Variants in ETFDH observed in about 807,000 individuals in gnomAD.
The protein encoded by ETFDH is electron transfer flavoprotein-ubiquinone oxidoreductase, mitochondrial.
ETFDH carries 61 observed loss-of-function variants against 73.2 expected under a neutral mutation model. That is an observed-to-expected ratio of 0.83 (90% CI 0.68 to 1.03). The LOEUF (loss-of-function observed/expected upper bound fraction) is 1.03. Ranked by LOEUF, ETFDH falls within the 50% of genes least tolerant of loss-of-function variation. ETFDH has a pLI of 0.00. For synonymous variants in ETFDH, 243 were observed against 253.3 expected, an observed-to-expected ratio of 0.96 and a Z score of 0.39; for missense variants, 685 against 745.0, an observed-to-expected ratio of 0.92 and a Z score of 0.94.
chr4:158,689,473 T>C (rs1445846205), intron 5 of ETFDH, among the ~76,000 whole-genome samples: 1 of 151,350 alleles, frequency 6.6e-6, no homozygotes, highest in African/African-American at 2.4e-5. Context: ...ATGATTACCA[T>C]CAACAGATTA....
intron 5 of ETFDH, among the ~76,000 whole-genome samples, chr4:158,685,602 AT>A (rs907343089): frequency 4.0e-5 from 6 of 151,868 alleles, no homozygotes; most frequent in African/African-American, 1.2e-4. Flanking sequence ...TTACTCTGGA[AT>A]TTTTTTTTAT....
rs780991936 is a variant in ETFDH at position 158,697,596 on chromosome 4, G to A, written c.869G>A (p.Arg290Lys). 5 of 1,613,058 alleles carry A rather than the reference G, an allele frequency of 3.1e-6. No individual in the cohort carries two copies. In the Admixed American group the frequency reaches 6.7e-5, roughly 22 times the overall value. ...VIDEKNWKPGRVDHTVGWPLD... is the reference protein window; with the variant it reads ...VIDEKNWKPGKVDHTVGWPLD... ...GATGAAAAGAACTGGAAACCTGGGA[G>A]AGTAGATCACACTGTTGGTTGGCCC... The change falls in exon 8 of 13, where the codon AGA (arginine) becomes AAA (lysine). Residue 290 changes from arginine to lysine, a missense_variant. Arg to Lys is a conservative substitution (Grantham distance 26). This residue lies in a region of ETFDH where 405 missense variants were observed against 399.3 expected (regional missense o/e 1.01). Transcript: ENST00000511912.
intron 12 of ETFDH, among the ~76,000 whole-genome samples, chr4:158,708,044 T>G (rs1021230346): frequency 1.3e-5 from 2 of 152,228 alleles, no homozygotes; most frequent in African/African-American, 4.8e-5. Context: ...CTGGGGATCT[T>G]GGAACTTGTC....
intron 8 of ETFDH, among the ~76,000 whole-genome samples, chr4:158,698,722 C>T (rs1774377231): frequency 6.6e-6 from 1 of 151,972 alleles, no homozygotes; most frequent in South Asian, 2.1e-4. Flanking sequence ...CTTTGAGTTC[C>T]AGAGCACAAG....
At position 158,690,479 on chromosome 4, in the gene ETFDH, C is replaced by G; in HGVS notation, c.684+54C>G. 3 of 1,048,680 alleles carry G rather than the reference C, an allele frequency of 2.9e-6. No homozygotes were observed. The Admixed American group carries it at 5.1e-5, about 18-fold the overall frequency. 65.0% of individuals were successfully genotyped at this position (1,048,680 alleles called of 1,614,324 possible). A position where few individuals can be genotyped will look rare whatever the true frequency, so the allele number is the denominator to read the frequency against. ...ATAAAGCGACAAACAACAGAAAGAA[C>G]TGTGTGGGCATCAAAGTGAAACCCC... On this transcript the variant is annotated intron_variant, in intron 6 of 12. Coordinates refer to ENST00000511912, the MANE Select transcript of ETFDH (RefSeq NM_004453.4).
chr4:158,708,723 G>T lies in ETFDH; in HGVS notation c.*196G>T. ...TATTGCTTTTAAATAACCTTTATAA[G>T]AATGCAGCATCTTCCTACCTCTTCA... On this transcript the variant is annotated 3_prime_UTR_variant, in exon 13 of 13. Coordinates refer to ENST00000511912, the MANE Select transcript of ETFDH (RefSeq NM_004453.4). The T allele has an allele frequency of 1.8e-6, 1 of 555,668 alleles. No homozygotes were observed. Among genetic ancestry groups the T allele is most frequent in the South Asian group, 2.1e-5 (1 of 47,008 alleles). 34.4% of individuals were successfully genotyped at this position (555,668 alleles called of 1,614,324 possible).
chr4:158,676,630 T>C (rs184662622), intron 1 of ETFDH, among the ~76,000 whole-genome samples: 87 of 152,344 alleles, frequency 5.7e-4, no homozygotes, highest in African/African-American at 2.0e-3. Context: ...CAAGGACTAC[T>C]TGGAGGTTAG....
rs183448120 is a variant in ETFDH, at chr4:158,691,038, A to T, written c.684+613A>T. Among the ~76,000 whole-genome samples the T allele has an allele frequency of 1.4e-4, 21 of 152,332 alleles. 1 individual carries two copies. The highest frequency in any genetic ancestry group is 2.2e-4 in the African/African-American group (9 of 41,578). On this transcript the variant is annotated intron_variant, in intron 6 of 12. Coordinates refer to ENST00000511912, the MANE Select transcript of ETFDH (RefSeq NM_004453.4). ...GCAAGTAGTTATAATATGTTTAAAA[A>T]TTTTTTAAAAGATAATAACATACAA...
chr4:158,695,551 G>A lies in ETFDH; in HGVS notation c.739G>A (p.Gly247Ser). 4 of 1,612,764 alleles carry A rather than the reference G, an allele frequency of 2.5e-6. No homozygotes were observed. Among genetic ancestry groups the A allele is most frequent in the Non-Finnish European group, 3.4e-6 (4 of 1,178,964 alleles). ...LHAKVTIFAE[G>S]CHGHLAKQLY... is the part of the protein sequence containing the mutation. The stretch of plus-strand genomic sequence containing the variant: ...TGCTAAAGTCACAATTTTTGCAGAA[G>A]GTTGCCATGGACATCTAGCCAAGCA... The change falls in exon 7 of 13, where the codon GGT (glycine) becomes AGT (serine). Residue 247 changes from glycine (G) to serine (S), a missense_variant. Coordinates refer to ENST00000511912, the MANE Select transcript of ETFDH (RefSeq NM_004453.4).
intron 1 of ETFDH, among the ~76,000 whole-genome samples, chr4:158,673,965 G>A (rs78439212): frequency 0.011 from 1,659 of 152,246 alleles, 20 homozygotes; most frequent in African/African-American, 0.035. Context: ...GATATCAGAT[G>A]TGTTTTCAGA....
chr4:158,706,532 T>C, intron 11 of ETFDH, 97 bp from the exon 12 acceptor site: 3 of 1,145,682 alleles, frequency 2.6e-6, no homozygotes, highest in Non-Finnish European at 4.0e-6. Flanking sequence ...CATATTTCTT[T>C]GGTGTGATAA....
At position 158,706,214 on chromosome 4, in the gene ETFDH, C is replaced by T; in HGVS notation, c.1311C>T (p.Asp437=). ...TIGLHVTEYE[D]NLKNSWVWKE... ...GACTCCATGTAACTGAATATGAGGACAATTTGAAGAACTCATGGGTATGGA... is the reference window on the plus strand; with the variant it reads ...GACTCCATGTAACTGAATATGAGGATAATTTGAAGAACTCATGGGTATGGA... Residue 437 remains aspartate (D), a synonymous_variant, in exon 11 of 13, where the codon GAC becomes GAT. Transcript: ENST00000511912. 3 of 1,612,096 alleles carry T rather than the reference C, an allele frequency of 1.9e-6. No individual in the cohort carries two copies. Among genetic ancestry groups the T allele is most frequent in the East Asian group, 2.2e-5 (1 of 44,872 alleles).
chr4:158,706,522 CAT>C, intron 11 of ETFDH, 105 bp from the exon 12 acceptor site: 5 of 1,110,118 alleles, frequency 4.5e-6, no homozygotes, highest in Non-Finnish European at 6.9e-6. Flanking sequence ...GAGGGCTAGT[CAT>C]ATTTCTTTGG....
intron 5 of ETFDH, among the ~76,000 whole-genome samples, chr4:158,688,011 G>A (rs1444060365): frequency 6.6e-6 from 1 of 152,108 alleles, no homozygotes; most frequent in Non-Finnish European, 1.5e-5. Flanking sequence ...CTGCACTCCA[G>A]CCTGGGTGAC....
chr4:158,703,184 T>G (rs1774510347), intron 9 of ETFDH, among the ~76,000 whole-genome samples: 1 of 152,202 alleles, frequency 6.6e-6, no homozygotes, highest in South Asian at 2.1e-4. Context: ...AGATCAGTTA[T>G]GAGGATGGAA....
At position 158,684,591 on chromosome 4, in the gene ETFDH, G is replaced by A. The variant is rs750189181; in HGVS notation, c.406-1G>A. 4.0e-6 allele frequency: 6 copies of A among 1,491,472 alleles called. No individual in the cohort carries two copies. In the African/African-American group the frequency reaches 8.3e-5, roughly 21 times the overall value. 92.4% of individuals were successfully genotyped at this position (1,491,472 alleles called of 1,614,324 possible). ...ATTTCTTTTTCTTCTTTTATTTCTA[G>A]GCTCCACTTAACACTCCTGTAACAG... On this transcript the variant is annotated splice_acceptor_variant, in intron 3 of 12. Coordinates refer to ENST00000511912, the MANE Select transcript of ETFDH (RefSeq NM_004453.4). LOFTEE classifies it high-confidence loss of function.
intron 1 of ETFDH, among the ~76,000 whole-genome samples, chr4:158,677,192 C>G (rs1289435550): frequency 6.6e-6 from 1 of 152,152 alleles, no homozygotes; most frequent in African/African-American, 2.4e-5. Context: ...TAATTCTGAG[C>G]CAAATGTGAG....
intron 5 of ETFDH, among the ~76,000 whole-genome samples, chr4:158,688,501 G>C (rs868221645): frequency 4.0e-5 from 6 of 150,546 alleles, no homozygotes; most frequent in African/African-American, 1.2e-4. Flanking sequence ...GGGAAACCCT[G>C]TCTCTACTAA....
intron 6 of ETFDH, among the ~76,000 whole-genome samples, chr4:158,695,014 T>C (rs4254722): frequency 0.012 from 1,774 of 152,328 alleles, 27 homozygotes; most frequent in African/African-American, 0.038. Flanking sequence ...GTTTCACATC[T>C]GGTGAATATT....
Sources: gnomAD v4.1 joint callset for allele counts (sites outside exome capture counted in the v4.1 genomes callset) on GRCh38, gnomAD v4.1.1 for gene constraint, gnomAD v4.1.1 regional missense constraint, MANE v1.5 for transcripts, NCBI Gene and HGNC (gene_info 2026-07-23, HGNC 2026-07-21) for gene names.